Variants in AUTS2 observed in about 807,000 individuals in gnomAD.
AUTS2 encodes the protein activator of transcription and developmental regulator AUTS2.
Under a neutral mutation model 112.4 loss-of-function variants are expected in AUTS2, and 17 were observed. The observed-to-expected ratio is 0.15, with a 90% CI of 0.10 to 0.23. AUTS2 has a LOEUF of 0.23. AUTS2 is among the 10% of genes least tolerant of loss of function. The pLI, the probability that AUTS2 is intolerant of heterozygous loss-of-function variation, is 1.00. For synonymous variants in AUTS2, 751 were observed against 702.7 expected (o/e 1.07, Z -1.09); for missense variants, 1,510 against 1,701.6 (o/e 0.89, Z 1.98).
intron 5 of AUTS2, among the ~76,000 whole-genome samples, chr7:70,515,030 T>A (rs1040053793): frequency 1.3e-5 from 2 of 152,222 alleles, no homozygotes; most frequent in Non-Finnish European, 2.9e-5. Context: ...CTAATTTTTT[T>A]TGGTTGTATG....
intron 2 of AUTS2, among the ~76,000 whole-genome samples, chr7:70,060,848 C>T (rs1054772564): frequency 6.6e-6 from 1 of 152,182 alleles, no homozygotes; most frequent in Non-Finnish European, 1.5e-5. Flanking sequence ...GCTGCATTCC[C>T]CAGCCTCCCT....
intron 2 of AUTS2, among the ~76,000 whole-genome samples, chr7:69,957,510 A>G (rs1797263461): frequency 6.6e-6 from 1 of 152,058 alleles, no homozygotes; most frequent in Non-Finnish European, 1.5e-5. Flanking sequence ...TCTTTGTGTC[A>G]TTCCTTATGT....
intron 5 of AUTS2, among the ~76,000 whole-genome samples, chr7:70,518,735 A>G (rs890415560): frequency 6.6e-6 from 1 of 151,708 alleles, no homozygotes; most frequent in African/African-American, 2.4e-5. Context: ...ACAGAGTCTC[A>G]CTCCATGACC....
intron 5 of AUTS2, among the ~76,000 whole-genome samples, chr7:70,668,204 C>G (rs1379887058): frequency 6.6e-6 from 1 of 152,214 alleles, no homozygotes; most frequent in Non-Finnish European, 1.5e-5. Flanking sequence ...GTCTTGAACT[C>G]CGGACCTCAG....
At position 70,313,836 on chromosome 7, in the gene AUTS2, C is replaced by A. The variant is rs1436814647; in HGVS notation, c.661-121916C>A. On this transcript the variant is annotated intron_variant, in intron 4 of 18. Coordinates refer to ENST00000342771, the MANE Select transcript of AUTS2 (RefSeq NM_015570.4). ...CATGGAATTCATTGGCCCTGCTTAT[C>A]CCCCCGTGGAGACGTGGGAATGGCA... is the stretch of plus-strand genomic sequence containing the variant. Among the ~76,000 whole-genome samples the A allele has an allele frequency of 2.6e-5, 4 of 152,158 alleles. No individual in the cohort carries two copies. In the East Asian group the frequency reaches 7.7e-4, roughly 29 times the overall value.
intron 2 of AUTS2, among the ~76,000 whole-genome samples, chr7:69,958,241 T>A (rs1425589256): frequency 6.6e-6 from 1 of 152,184 alleles, no homozygotes; most frequent in Non-Finnish European, 1.5e-5. Flanking sequence ...CCTTGGTTTA[T>A]GTATCTTCTG....
In AUTS2 at chr7:69,599,648, A is replaced by C; in HGVS notation, c.-6A>C. 4.6e-6 allele frequency: 6 copies of C among 1,291,236 alleles called. No homozygotes were observed. Among genetic ancestry groups the C allele is most frequent in the Non-Finnish European group, 5.9e-6 (6 of 1,022,604 alleles). 80.0% of individuals were successfully genotyped at this position (1,291,236 alleles called of 1,614,324 possible). On this transcript the variant is annotated 5_prime_UTR_variant, in exon 1 of 19. Coordinates refer to ENST00000342771, the MANE Select transcript of AUTS2 (RefSeq NM_015570.4). This position sits in a 1 kb window ranked among gnomAD's most constrained non-coding sequence, Gnocchi z 7.0. ...GCAAGCGGGGAGACCCCGGCGCAGC[A>C]GAACCATGGATGGCCCGACGCGGGG... is the stretch of plus-strand genomic sequence containing the variant.
chr7:70,191,202 C>T (rs988844912), intron 4 of AUTS2, among the ~76,000 whole-genome samples: 1 of 119,922 alleles, frequency 8.3e-6, no homozygotes, highest in Non-Finnish European at 1.6e-5. Flanking sequence ...AGAGTCTCCT[C>T]TGTTGCCCAG....
chr7:70,006,574 C>G (rs1186895781), intron 2 of AUTS2, among the ~76,000 whole-genome samples: 2 of 152,174 alleles, frequency 1.3e-5, no homozygotes, highest in African/African-American at 2.4e-5. Context: ...CTACTTCTTG[C>G]ACCAGCTGCT....
chr7:70,784,017 A>G (rs1791267295), intron 15 of AUTS2: 1 of 152,076 alleles, frequency 6.6e-6, no homozygotes, highest in Admixed American at 6.5e-5. Flanking sequence ...GGCAAAATAC[A>G]GAGAAGAGGA....
chr7:70,738,762 A>G (rs1787921788), intron 6 of AUTS2, among the ~76,000 whole-genome samples: 1 of 152,186 alleles, frequency 6.6e-6, no homozygotes, highest in South Asian at 2.1e-4. Flanking sequence ...ATTGGAAAGG[A>G]GGATGTTGAA....
chr7:70,511,730 C>G (rs919455253), intron 5 of AUTS2, among the ~76,000 whole-genome samples: 1 of 151,910 alleles, frequency 6.6e-6, no homozygotes, highest in Non-Finnish European at 1.5e-5. Flanking sequence ...CATGCGCCAC[C>G]ATGCTCAGCT....
intron 2 of AUTS2, among the ~76,000 whole-genome samples, chr7:70,064,713 A>T (rs1036732912): frequency 6.6e-6 from 1 of 152,288 alleles, no homozygotes; most frequent in African/African-American, 2.4e-5. Context: ...CCCAAAATGG[A>T]TGGTGAAATT....
chr7:70,309,717 G>A (rs1224071958), intron 4 of AUTS2, among the ~76,000 whole-genome samples: 1 of 152,132 alleles, frequency 6.6e-6, no homozygotes, highest in Non-Finnish European at 1.5e-5. Context: ...AAGAGATTAT[G>A]AAGGTTTACA....
chr7:69,726,727 A>G (rs912960716), intron 1 of AUTS2, among the ~76,000 whole-genome samples: 2 of 152,172 alleles, frequency 1.3e-5, no homozygotes, highest in African/African-American at 4.8e-5. Flanking sequence ...AAGTCTTTTT[A>G]ATTCTAGCCA....
chr7:70,393,552 TG>T (rs1793956994), intron 4 of AUTS2, among the ~76,000 whole-genome samples: 1 of 152,116 alleles, frequency 6.6e-6, no homozygotes, highest in Admixed American at 6.5e-5. Flanking sequence ...CTCATTATCC[TG>T]GGTAGTCTGT....
At chr7:69,996,172 G>C (rs960063001) in intron 2 of AUTS2, among the ~76,000 whole-genome samples, 1 of 152,162 alleles carries the variant, frequency 6.6e-6, no homozygotes, top group Non-Finnish European at 1.5e-5. Context: ...TAGAGGTACT[G>C]TGTCATAAGA....
At chr7:70,509,098 C>G (rs1297178862) in intron 5 of AUTS2, among the ~76,000 whole-genome samples, 1 of 152,178 alleles carries the variant, frequency 6.6e-6, no homozygotes, top group African/African-American at 2.4e-5. Flanking sequence ...AGGAATTTTC[C>G]CACAATAATA....
At chr7:70,094,769 G>A (rs1358566042) in intron 2 of AUTS2, among the ~76,000 whole-genome samples, 1 of 152,174 alleles carries the variant, frequency 6.6e-6, no homozygotes, top group African/African-American at 2.4e-5. Context: ...TTTATAGTTC[G>A]TGAGTTCAAG....
Sources: gnomAD v4.1 joint callset for allele counts (sites outside exome capture counted in the v4.1 genomes callset) on GRCh38, gnomAD v4.1.1 for gene constraint, Gnocchi (gnomAD v3.1) non-coding constraint, MANE v1.5 for transcripts, NCBI Gene and HGNC (gene_info 2026-07-23, HGNC 2026-07-21) for gene names.